The following CEP112 variants were observed in gnomAD, a reference collection of about 807,000 sequenced individuals.
CEP112 encodes the protein centrosomal protein of 112 kDa.
In CEP112, 127 loss-of-function variants were observed where a neutral mutation model predicts 153.0. The ratio of observed to expected loss-of-function variants is 0.83; its 90% CI spans 0.72 to 0.96. CEP112 has a LOEUF of 0.96. CEP112 is among the 40% of genes least tolerant of loss of function. The pLI is 0.00. For synonymous variants in CEP112, 358 were observed against 374.4 expected (o/e 0.96, Z 0.51); for missense variants, 1,089 against 1,101.2 (o/e 0.99, Z 0.16).
intron 6 of CEP112, among the ~76,000 whole-genome samples, chr17:66,105,425 T>C (rs981097595): frequency 7.9e-5 from 12 of 152,002 alleles, no homozygotes; most frequent in African/African-American, 2.9e-4. Context: ...CAGGAGTAAG[T>C]CCTTACTTAT....
At chr17:65,701,375 G>A (rs1392085094) in intron 23 of CEP112, among the ~76,000 whole-genome samples, 1 of 152,160 alleles carries the variant, frequency 6.6e-6, no homozygotes, top group African/African-American at 2.4e-5. Flanking sequence ...GGAAGAATAA[G>A]TTTCTGCATG....
At chr17:66,172,427 C>A (rs185993541) in intron 4 of CEP112, among the ~76,000 whole-genome samples, 18 of 152,276 alleles carry the variant, frequency 1.2e-4, no homozygotes, top group Admixed American at 6.5e-4. Context: ...CACCAGAGTG[C>A]CTGCTTTTCC....
intron 21 of CEP112, among the ~76,000 whole-genome samples, chr17:65,820,618 C>A (rs1048309865): frequency 1.3e-5 from 2 of 152,008 alleles, no homozygotes; most frequent in Non-Finnish European, 2.9e-5. Context: ...ATGGGCCATT[C>A]GCTATAATCT....
chr17:66,032,283 G>A (rs890962682), intron 12 of CEP112, among the ~76,000 whole-genome samples: 4 of 151,376 alleles, frequency 2.6e-5, no homozygotes, highest in Non-Finnish European at 5.9e-5. Flanking sequence ...TTACAGGCAT[G>A]AGCCACTGCA....
At chr17:65,713,527 G>A (rs12950908) in intron 23 of CEP112, among the ~76,000 whole-genome samples, 5 of 151,962 alleles carry the variant, frequency 3.3e-5, no homozygotes, top group South Asian at 2.1e-4. Context: ...ATAATAGTTC[G>A]TTTCAATCCC....
chr17:65,688,546 C>T (rs1195984546), intron 24 of CEP112: 1 of 152,370 alleles, frequency 6.6e-6, no homozygotes, highest in African/African-American at 2.4e-5. Flanking sequence ...CCTTTTCTGC[C>T]TCCGAATAGT....
At position 65,736,702 on chromosome 17, in the gene CEP112, G is replaced by A. The variant is rs139265147; in HGVS notation, c.2607+6366C>T. Among the ~76,000 whole-genome samples, 17 of 152,302 alleles carry A rather than the reference G, an allele frequency of 1.1e-4. No homozygotes were observed. In the East Asian group the frequency reaches 3.3e-3, roughly 29 times the overall value. ...TTAGAGGCTAGTCATGTGCAGATTA[G>A]ATCGTTGTTCACAGATGTTCACGGT... On this transcript the variant is annotated intron_variant, in intron 23 of 26. Coordinates refer to ENST00000535342, the MANE Select transcript of CEP112 (RefSeq NM_001199165.4).
chr17:65,650,178 G>A (rs772630583), intron 24 of CEP112, among the ~76,000 whole-genome samples: 1 of 152,142 alleles, frequency 6.6e-6, no homozygotes. Context: ...TTGTTGTGTG[G>A]GGTTTTGCCA....
chr17:65,772,709 G>A (rs2145533001), intron 21 of CEP112, among the ~76,000 whole-genome samples: 1 of 152,134 alleles, frequency 6.6e-6, no homozygotes, highest in South Asian at 2.1e-4. Context: ...GTTAGGCACT[G>A]TATGTTTACA....
At chr17:65,740,721 T>C (rs931767021) in intron 23 of CEP112, among the ~76,000 whole-genome samples, 6 of 152,186 alleles carry the variant, frequency 3.9e-5, no homozygotes, top group African/African-American at 1.2e-4. Flanking sequence ...TATGGCATTA[T>C]TGAATATATC....
At chr17:66,120,694 G>A in intron 6 of CEP112, among the ~76,000 whole-genome samples, 1 of 151,976 alleles carries the variant, frequency 6.6e-6, no homozygotes. Context: ...TATCTATAGT[G>A]TCTGTAATGA....
chr17:65,840,861 CA>C (rs904163616), intron 21 of CEP112, among the ~76,000 whole-genome samples: 42 of 151,888 alleles, frequency 2.8e-4, no homozygotes, highest in African/African-American at 9.4e-4. Context: ...GACATTTTTC[CA>C]AAGAACACAT....
chr17:66,010,033 T>C (rs530112270), intron 16 of CEP112, among the ~76,000 whole-genome samples: 3 of 152,188 alleles, frequency 2.0e-5, no homozygotes, highest in African/African-American at 7.2e-5. Context: ...TAGTATTGAA[T>C]TTGTAAATTT....
intron 18 of CEP112, 104 bp from the exon 19 acceptor site, chr17:65,927,793 C>T: frequency 3.7e-6 from 2 of 535,504 alleles, no homozygotes; most frequent in Non-Finnish European, 6.3e-6. Context: ...AAGCACCTCA[C>T]CAATAATAAT....
chr17:65,776,311 T>G (rs1364840312), intron 21 of CEP112, among the ~76,000 whole-genome samples: 1 of 152,180 alleles, frequency 6.6e-6, no homozygotes, highest in African/African-American at 2.4e-5. Flanking sequence ...CTCGGCTTGC[T>G]GCAAGCTCCG....
At chr17:66,126,622 T>C (rs2069863427) in intron 6 of CEP112, among the ~76,000 whole-genome samples, 1 of 152,018 alleles carries the variant, frequency 6.6e-6, no homozygotes, top group Non-Finnish European at 1.5e-5. Flanking sequence ...AAGAGAAAAA[T>C]ATCATTGCTA....
chr17:65,887,214 C>G (rs2059310983), intron 20 of CEP112, among the ~76,000 whole-genome samples: 1 of 152,062 alleles, frequency 6.6e-6, no homozygotes, highest in Non-Finnish European at 1.5e-5. Flanking sequence ...ACATCCTAGC[C>G]CTTGCACTTC....
At chr17:65,849,408 G>A (rs2052152) in intron 21 of CEP112, among the ~76,000 whole-genome samples, 151,589 of 152,302 alleles carry the variant, frequency 1, 75,442 homozygotes, top group Non-Finnish European at 1. Flanking sequence ...CTATTTGAGG[G>A]CAGTGGCCCC....
At chr17:66,104,119 TG>T (rs777249154) in intron 6 of CEP112, among the ~76,000 whole-genome samples, 57 of 152,102 alleles carry the variant, frequency 3.7e-4, no homozygotes, top group Admixed American at 6.6e-4. Context: ...CCAGTGGGCT[TG>T]GGGGTGCATG....
Sources: allele counts gnomAD v4.1 joint callset (sites outside exome capture counted in the v4.1 genomes callset), GRCh38; gene constraint gnomAD v4.1.1; transcripts MANE v1.5; gene names NCBI Gene and HGNC (gene_info 2026-07-23, HGNC 2026-07-21).